Variants in PRH1 observed in about 807,000 individuals in gnomAD.
PRH1 encodes proline rich protein HaeIII subfamily 1, also known as salivary acidic proline-rich phosphoprotein 1/2.
In PRH1, 7 loss-of-function variants were observed where a neutral mutation model predicts 7.9. The ratio of observed to expected loss-of-function variants is 0.89; its 90% CI spans 0.50 to 1.67. The LOEUF (loss-of-function observed/expected upper bound fraction) is 1.67. Among genes scored for constraint, PRH1 ranks in the 40% most tolerant of loss-of-function variants. PRH1 has a pLI of 0.00. For synonymous variants in PRH1, 45 were observed against 80.8 expected, an observed-to-expected ratio of 0.56 and a Z score of 2.38; for missense variants, 109 against 223.6, an observed-to-expected ratio of 0.49 and a Z score of 3.27.
intron 2 of PRH1, among the ~76,000 whole-genome samples, chr12:10,942,151 G>C (rs972790724): frequency 1.3e-5 from 2 of 152,114 alleles, no homozygotes; most frequent in African/African-American, 4.8e-5. Context: ...ACTCTGTGAG[G>C]GTTCTTAGCT....
At chr12:10,882,106 G>A (rs1949410122) in intron 3 of PRH1, 111 bp downstream of exon 3, 2 of 1,532,334 alleles carry the variant, frequency 1.3e-6, no homozygotes, top group Non-Finnish European at 1.7e-6. Context: ...TTTTAGAAAT[G>A]TGTTCCAGGA....
rs781260072 is a variant in PRH1, at chr12:10,930,694, G to A, written c.-59+42961C>T. The A allele has an allele frequency of 8.7e-6, 14 of 1,613,758 alleles. No homozygotes were observed. The Admixed American group carries it at 1.7e-4, about 19-fold the overall frequency. On this transcript the variant is annotated intron_variant, in intron 2 of 3. Coordinates refer to the PRH1 transcript ENST00000539853. ...AGACTCTGAGCAGTTCATAGATGAG[G>A]AGCGTCAGGGACCACCTTTGGGAGG...
At chr12:11,047,195 C>T (rs988500681), upstream of PRH1, 29 of 346,278 alleles carry the variant, frequency 8.4e-5, no homozygotes, top group Non-Finnish European at 1.6e-4. Flanking sequence ...GAACCTATGT[C>T]AAGAAACAAA....
intron 2 of PRH1, among the ~76,000 whole-genome samples, chr12:10,924,036 C>T (rs1386412252): frequency 2.4e-5 from 3 of 126,288 alleles, no homozygotes; most frequent in Non-Finnish European, 3.1e-5. Context: ...CGCTCTGTCG[C>T]CCAGGCTGGA....
chr12:10,987,181 G>C (rs1939689852), intron 1 of PRH1, among the ~76,000 whole-genome samples: 1 of 152,074 alleles, frequency 6.6e-6, no homozygotes, highest in South Asian at 2.1e-4. Flanking sequence ...TTACCAGCAT[G>C]CAAATAAAGA....
chr12:11,166,658 T>C (rs1218495480), intron 1 of PRH1, among the ~76,000 whole-genome samples: 1 of 152,254 alleles, frequency 6.6e-6, no homozygotes, highest in East Asian at 1.9e-4. Flanking sequence ...CAGTTTCTAT[T>C]ACTCCACTTT....
chr12:11,120,334 A>G (rs1047894297), downstream of PRH1, among the ~76,000 whole-genome samples: 4 of 152,206 alleles, frequency 2.6e-5, no homozygotes, highest in Non-Finnish European at 5.9e-5. Flanking sequence ...AAGTCTGCCT[A>G]TACATGTGTG....
chr12:10,972,441 G>GT (rs1430028843), intron 2 of PRH1, among the ~76,000 whole-genome samples: 1 of 152,166 alleles, frequency 6.6e-6, no homozygotes, highest in Non-Finnish European at 1.5e-5. Flanking sequence ...TGGAAAATAT[G>GT]TTATTCTCAG....
chr12:11,058,818 C>T (rs1417788434), intron 1 of PRH1, among the ~76,000 whole-genome samples: 1 of 152,190 alleles, frequency 6.6e-6, no homozygotes, highest in East Asian at 1.9e-4. Flanking sequence ...CTCTGTGCAA[C>T]TGTGCAAGTC....
chr12:11,029,977 G>T (rs1462740346), intron 1 of PRH1, among the ~76,000 whole-genome samples: 2 of 152,100 alleles, frequency 1.3e-5, no homozygotes, highest in Non-Finnish European at 2.9e-5. Context: ...GCACAATGTG[G>T]TGTATTCCTG....
intron 1 of PRH1, among the ~76,000 whole-genome samples, chr12:11,151,928 T>C (rs1164370154): frequency 1.5e-5 from 2 of 129,218 alleles, no homozygotes; most frequent in Admixed American, 1.6e-4. Flanking sequence ...AGCATTTCTT[T>C]GGTATGTCAT....
chr12:10,930,673 T>G, intron 2 of PRH1: 2 of 1,613,822 alleles, frequency 1.2e-6, no homozygotes, highest in Non-Finnish European at 1.7e-6. Flanking sequence ...TGGAGGAGAC[T>G]CTGAGCAGTT....
At chr12:11,000,592 T>C (rs1382331188) in intron 1 of PRH1, among the ~76,000 whole-genome samples, 1 of 152,150 alleles carries the variant, frequency 6.6e-6, no homozygotes, top group Non-Finnish European at 1.5e-5. Context: ...TTACTAAAAA[T>C]ATATGGATTA....
At chr12:10,991,023 C>A (rs1042491658) in intron 1 of PRH1, among the ~76,000 whole-genome samples, 1 of 152,080 alleles carries the variant, frequency 6.6e-6, no homozygotes, top group African/African-American at 2.4e-5. Context: ...GTTACGACAT[C>A]CAAATGAAGA....
chr12:11,046,970 G>C (rs1277410761), intron 1 of PRH1: 4 of 471,230 alleles, frequency 8.5e-6, no homozygotes, highest in Non-Finnish European at 1.8e-5. Flanking sequence ...GCACATTTCT[G>C]AATCATCAAG....
chr12:10,949,790 G>A (rs1950541942), intron 2 of PRH1, among the ~76,000 whole-genome samples: 1 of 151,724 alleles, frequency 6.6e-6, no homozygotes, highest in South Asian at 2.1e-4. Flanking sequence ...AATAAAATTT[G>A]CCAAAAATCC....
At chr12:11,051,775 A>T (rs1171730104), upstream of PRH1, among the ~76,000 whole-genome samples, 3 of 152,312 alleles carry the variant, frequency 2.0e-5, no homozygotes, top group African/African-American at 4.8e-5. Context: ...TGTGCTCAAC[A>T]TTATGGATCT....
At chr12:11,066,344 A>C (rs1240811884) in intron 1 of PRH1, among the ~76,000 whole-genome samples, 1 of 152,110 alleles carries the variant, frequency 6.6e-6, no homozygotes, top group Non-Finnish European at 1.5e-5. Flanking sequence ...AAAATGTATC[A>C]TTTGCTTTGT....
chr12:11,086,824 A>G (rs143724358), intron 1 of PRH1, among the ~76,000 whole-genome samples: 2,905 of 113,924 alleles, frequency 0.025, 848 homozygotes, highest in South Asian at 0.039. Flanking sequence ...TGTGGCAGAA[A>G]AATCATTGGA....
Sources: gnomAD v4.1 joint callset for allele counts (sites outside exome capture counted in the v4.1 genomes callset) on GRCh38, gnomAD v4.1.1 for gene constraint, MANE v1.5 for transcripts, NCBI Gene and HGNC (gene_info 2026-07-23, HGNC 2026-07-21) for gene names.